Variants in ATP11B observed in about 807,000 individuals in gnomAD.
ATP11B encodes the protein ATPase phospholipid transporting 11B (putative).
In ATP11B, 81 loss-of-function variants were observed where a neutral mutation model predicts 157.8. That is an observed-to-expected ratio of 0.51 (90% confidence interval 0.43 to 0.62). The LOEUF (loss-of-function observed/expected upper bound fraction) is 0.62. Among genes scored for constraint, ATP11B ranks in the 20% least tolerant of loss-of-function variants. ATP11B has a pLI of 0.00. For synonymous variants in ATP11B, 451 were observed against 469.4 expected, an observed-to-expected ratio of 0.96 and a Z score of 0.51; for missense variants, 1,165 against 1,402.2, an observed-to-expected ratio of 0.83 and a Z score of 2.70.
Position 182,915,032 on chromosome 3 carries a change from T to C in ATP11B, c.3452+1038T>C, listed in dbSNP as rs534366266. On this transcript the variant is annotated intron_variant, in intron 29 of 29. Transcript: ENST00000323116. ...GGTTGGAAATTACCCCAGGAACAGG[T>C]TATAAAGAGTGAAGAAGGCACTACT... 5 of 985,342 alleles carry C rather than the reference T, an allele frequency of 5.1e-6. No homozygotes were observed. The African/African-American group carries it at 7.0e-5, about 14-fold the overall frequency. 61.0% of individuals were successfully genotyped at this position (985,342 alleles called of 1,614,324 possible). A position where few individuals can be genotyped will look rare whatever the true frequency, so the allele number is the denominator to read the frequency against.
chr3:182,800,872 C>A (rs1353635212), intron 1 of ATP11B, among the ~76,000 whole-genome samples: 2 of 146,328 alleles, frequency 1.4e-5, no homozygotes, highest in Admixed American at 1.4e-4. Context: ...CCTCCGCCCC[C>A]CACCCCCCCC....
At chr3:182,794,335 C>T (rs1487161561) in intron 1 of ATP11B, among the ~76,000 whole-genome samples, 3 of 152,162 alleles carry the variant, frequency 2.0e-5, no homozygotes, top group Admixed American at 1.3e-4. Context: ...CTAGCCCCCT[C>T]AGCGAGAGAC....
chr3:182,820,101 A>T (rs1717234320), intron 1 of ATP11B, among the ~76,000 whole-genome samples, 159 bp from the exon 2 acceptor site: 1 of 152,236 alleles, frequency 6.6e-6, no homozygotes, highest in East Asian at 1.9e-4. Flanking sequence ...GAAAAAAAAT[A>T]GGTGGCATAG....
At chr3:182,883,976 G>C (rs1386163951) in intron 21 of ATP11B, among the ~76,000 whole-genome samples, 1 of 93,490 alleles carries the variant, frequency 1.1e-5, no homozygotes, top group Non-Finnish European at 2.8e-5. Context: ...AAAAAAAAAA[G>C]AATGCAGACT....
At chr3:182,885,920 T>C in intron 22 of ATP11B, 31 bp from the exon 23 acceptor site, 1 of 1,422,670 alleles carries the variant, frequency 7.0e-7, no homozygotes, top group East Asian at 2.6e-5. Context: ...CTAAATATTT[T>C]AATTATTTTC....
At position 182,797,837 on chromosome 3, in the gene ATP11B, T is replaced by A. The variant is rs574087897; in HGVS notation, c.27+4051T>A. The stretch of plus-strand genomic sequence containing the variant: ...TGGAATTTTGTTTCTTTTTACTTTT[T>A]TTAAAGTGGTTAGAAATTTTAAAGT... On this transcript the variant is annotated intron_variant, in intron 1 of 29. Transcript: ENST00000323116. 4.6e-5 allele frequency among the ~76,000 whole-genome samples: 7 copies of A among 152,358 alleles called. No individual in the cohort carries two copies. In the South Asian group the frequency reaches 1.2e-3, roughly 27 times the overall value.
chr3:182,902,342 T>G (rs1206545463), intron 28 of ATP11B: 1 of 263,994 alleles, frequency 3.8e-6, no homozygotes, highest in Non-Finnish European at 7.5e-6. Flanking sequence ...ATGTTAGTCA[T>G]GTATGTGTAT....
intron 1 of ATP11B, among the ~76,000 whole-genome samples, chr3:182,817,043 C>T (rs372786626): frequency 3.9e-5 from 6 of 152,070 alleles, no homozygotes; most frequent in Non-Finnish European, 5.9e-5. Flanking sequence ...AAATAACACA[C>T]GTACGTGCCC....
chr3:182,860,082 C>T (rs1423042840), intron 12 of ATP11B, among the ~76,000 whole-genome samples: 1 of 152,020 alleles, frequency 6.6e-6, no homozygotes, highest in Admixed American at 6.6e-5. Context: ...CTGGAAATTC[C>T]TTTGCCTCTC....
At position 182,879,487 on chromosome 3, in the gene ATP11B, C is replaced by A. The variant is rs761567019; in HGVS notation, c.2253-9C>A. The A allele has an allele frequency of 6.3e-7, 1 of 1,589,940 alleles. No homozygotes were observed. The highest frequency in any genetic ancestry group is 1.2e-5 in the South Asian group (1 of 86,230). ...ATCTTACAGAGAATATAATTATTTT[C>A]TCTTTTAGAATTACAGAGGATCATG... is the stretch of plus-strand genomic sequence containing the variant. On this transcript the variant is annotated splice_polypyrimidine_tract_variant and intron_variant, in intron 19 of 29. Coordinates refer to ENST00000323116, the MANE Select transcript of ATP11B (RefSeq NM_014616.3).
intron 10 of ATP11B, among the ~76,000 whole-genome samples, chr3:182,855,045 T>G (rs1272178652): frequency 6.6e-6 from 1 of 152,210 alleles, no homozygotes; most frequent in Non-Finnish European, 1.5e-5. Flanking sequence ...TCAGCAAGTT[T>G]TTTTGTAGAA....
chr3:182,816,554 G>A (rs1195223352), intron 1 of ATP11B, among the ~76,000 whole-genome samples: 1 of 152,162 alleles, frequency 6.6e-6, no homozygotes, highest in Admixed American at 6.5e-5. Flanking sequence ...TAAACGTGTA[G>A]TTACACAAAT....
intron 25 of ATP11B, among the ~76,000 whole-genome samples, chr3:182,891,790 T>C (rs1185962890): frequency 6.6e-6 from 1 of 152,196 alleles, no homozygotes; most frequent in Non-Finnish European, 1.5e-5. Flanking sequence ...GCAGCACATG[T>C]TAGAATCAGA....
Position 182,842,135 on chromosome 3 carries a change from TTG to T in ATP11B, c.704+17_704+18del. 6.3e-7 allele frequency: 1 copy of T among 1,576,550 alleles called. No individual in the cohort carries two copies. The highest frequency in any genetic ancestry group is 8.7e-7 in the Non-Finnish European group (1 of 1,147,120). ...AAGAAATTGTAAGGTAAGAATTAAT[TTG>T]TGTTATCTAATTACCTTTAAATGGG... On this transcript the variant is annotated intron_variant, in intron 8 of 29. Transcript: ENST00000323116.
At chr3:182,801,086 C>A (rs1397123697) in intron 1 of ATP11B, among the ~76,000 whole-genome samples, 1 of 152,126 alleles carries the variant, frequency 6.6e-6, no homozygotes, top group East Asian at 1.9e-4. Flanking sequence ...ACAGGTGTGA[C>A]CCATCCCACC....
chr3:182,900,342 A>C (rs1363452909), intron 28 of ATP11B, among the ~76,000 whole-genome samples: 3 of 152,236 alleles, frequency 2.0e-5, no homozygotes, highest in Admixed American at 2.0e-4. Flanking sequence ...TGTTAGAGAT[A>C]ACGAGTATGA....
chr3:182,826,684 C>G (rs900555982), intron 2 of ATP11B, among the ~76,000 whole-genome samples: 6 of 152,208 alleles, frequency 3.9e-5, no homozygotes, highest in African/African-American at 1.4e-4. Context: ...CAGATTCAAA[C>G]TGAAAATATA....
At chr3:182,829,337 C>T (rs756753928) in intron 3 of ATP11B, among the ~76,000 whole-genome samples, 4 of 152,160 alleles carry the variant, frequency 2.6e-5, no homozygotes, top group Non-Finnish European at 5.9e-5. Flanking sequence ...TGATATCATT[C>T]TGAATCCAAG....
chr3:182,811,991 T>C (rs570879004), intron 1 of ATP11B, among the ~76,000 whole-genome samples: 25 of 152,166 alleles, frequency 1.6e-4, no homozygotes, highest in Non-Finnish European at 3.4e-4. Context: ...CGTGTAAAAT[T>C]AATAGCACAA....
Sources: allele counts gnomAD v4.1 joint callset (sites outside exome capture counted in the v4.1 genomes callset), GRCh38; gene constraint gnomAD v4.1.1; transcripts MANE v1.5; gene names NCBI Gene and HGNC (gene_info 2026-07-23, HGNC 2026-07-21).